Variants in NPAS3 observed in about 807,000 individuals in gnomAD.
NPAS3 encodes neuronal PAS domain-containing protein 3.
Under a neutral mutation model 73.1 loss-of-function variants are expected in NPAS3, and 14 were observed. The observed-to-expected ratio is 0.19, with a 90% confidence interval of 0.13 to 0.30. NPAS3 has a LOEUF of 0.30. NPAS3 is among the 10% of genes least tolerant of loss of function. The probability of loss-of-function intolerance (pLI) is 1.00; values close to 1 mark genes in which losing one functional copy is unlikely to be tolerated. For missense variants in NPAS3, 1,096 were observed against 1,250.0 expected (o/e 0.88, Z 1.86); for synonymous variants, 620 against 541.5 (o/e 1.14, Z -2.01).
intron 1 of NPAS3, among the ~76,000 whole-genome samples, chr14:33,048,331 C>A (rs1453099048): frequency 6.6e-6 from 1 of 152,196 alleles, no homozygotes; most frequent in Non-Finnish European, 1.5e-5. Flanking sequence ...AAAATGGCCT[C>A]CTAGAGGATC....
chr14:32,981,277 C>A (rs192201307), intron 1 of NPAS3, among the ~76,000 whole-genome samples: 1 of 152,258 alleles, frequency 6.6e-6, no homozygotes, highest in Non-Finnish European at 1.5e-5. Context: ...ACATGCCTAG[C>A]ACAATAAAAA....
chr14:33,098,922 C>G (rs954982936), intron 2 of NPAS3, among the ~76,000 whole-genome samples: 1 of 152,182 alleles, frequency 6.6e-6, no homozygotes, highest in African/African-American at 2.4e-5. Context: ...ACTTTGAGTG[C>G]TTCACAAAGG....
At chr14:33,708,196 C>T (rs2060712599) in intron 6 of NPAS3, among the ~76,000 whole-genome samples, 1 of 152,138 alleles carries the variant, frequency 6.6e-6, no homozygotes, top group Non-Finnish European at 1.5e-5. Flanking sequence ...ACAGTGAGCC[C>T]AGAACAGACC....
chr14:32,945,194 G>A (rs2036201115), intron 1 of NPAS3, among the ~76,000 whole-genome samples: 1 of 152,100 alleles, frequency 6.6e-6, no homozygotes. Flanking sequence ...TGTTCTGTGA[G>A]GATAGTTATT....
At chr14:33,291,083 G>A (rs1202029863) in intron 3 of NPAS3, among the ~76,000 whole-genome samples, 1 of 151,938 alleles carries the variant, frequency 6.6e-6, no homozygotes, top group Non-Finnish European at 1.5e-5. Flanking sequence ...TAAGGAGAAT[G>A]GAAACTACCG....
chr14:33,420,562 G>C (rs1375461991), intron 4 of NPAS3, among the ~76,000 whole-genome samples: 3 of 151,784 alleles, frequency 2.0e-5, no homozygotes, highest in Non-Finnish European at 4.4e-5. Flanking sequence ...ATATGGGCCT[G>C]TTAGTTAGCC....
In NPAS3 at chr14:33,567,531, G is replaced by A. The variant is rs1388664827; in HGVS notation, c.558+7321G>A. 2.0e-5 allele frequency among the ~76,000 whole-genome samples: 3 copies of A among 152,284 alleles called. No homozygotes were observed. The East Asian group carries it at 5.8e-4, about 29-fold the overall frequency. ...AGAGCAGCACAGTCAGATGAATGAG[G>A]ATATGCTATCTGCAAGGAATCATAT... is the stretch of plus-strand genomic sequence containing the variant. On this transcript the variant is annotated intron_variant, in intron 5 of 11. Transcript: ENST00000356141.
chr14:32,952,002 A>C (rs2036502510), intron 1 of NPAS3, among the ~76,000 whole-genome samples: 1 of 152,018 alleles, frequency 6.6e-6, no homozygotes, highest in Non-Finnish European at 1.5e-5. Flanking sequence ...GGTTTCTGGA[A>C]AATTCCCAAT....
At chr14:32,992,778 A>G (rs2139487581) in intron 1 of NPAS3, among the ~76,000 whole-genome samples, 1 of 152,334 alleles carries the variant, frequency 6.6e-6, no homozygotes, top group South Asian at 2.1e-4. Flanking sequence ...AGATGACTCC[A>G]AAGTTTTACG....
chr14:33,115,212 A>G (rs2138995791), intron 2 of NPAS3, among the ~76,000 whole-genome samples: 1 of 152,298 alleles, frequency 6.6e-6, no homozygotes, highest in Non-Finnish European at 1.5e-5. Flanking sequence ...AAGGCTGTTC[A>G]CTTTGATAGT....
rs768344697 is a variant in NPAS3, at chr14:33,800,248, G to A, written c.1941G>A (p.Lys647=). The A allele has an allele frequency of 2.5e-6, 4 of 1,613,268 alleles. No individual in the cohort carries two copies. In the South Asian group the frequency reaches 3.3e-5, roughly 13 times the overall value. Residue 647 remains lysine (K), a synonymous_variant, in exon 12 of 12, where the codon AAG becomes AAA. Transcript: ENST00000356141. The surrounding 1 kb of genome is among the most constrained non-coding windows in gnomAD (Gnocchi z 6.5). ...CCCCCAACAGTGCCTCGGTGCTCAA[G>A]ATCAAGACGGAGATCTCAGAACCCA...
chr14:32,963,541 C>T (rs769719291), intron 1 of NPAS3, among the ~76,000 whole-genome samples: 11 of 152,168 alleles, frequency 7.2e-5, no homozygotes, highest in South Asian at 6.2e-4. Flanking sequence ...GAGGGTAGAT[C>T]GCAATCCCTG....
At chr14:33,056,801 C>T (rs1157635584) in intron 2 of NPAS3, among the ~76,000 whole-genome samples, 3 of 152,160 alleles carry the variant, frequency 2.0e-5, no homozygotes, top group Non-Finnish European at 4.4e-5. Context: ...ATTGAAGCAA[C>T]ATTAACCTTT....
chr14:33,065,974 A>C (rs1385890858), intron 2 of NPAS3, among the ~76,000 whole-genome samples: 1 of 152,032 alleles, frequency 6.6e-6, no homozygotes, highest in Non-Finnish European at 1.5e-5. Flanking sequence ...AAATTGAATG[A>C]GCATGGCTTG....
intron 4 of NPAS3, among the ~76,000 whole-genome samples, chr14:33,387,382 A>G (rs1451149513): frequency 6.6e-6 from 1 of 152,160 alleles, no homozygotes; most frequent in Non-Finnish European, 1.5e-5. Flanking sequence ...AAGACTCAGA[A>G]GCCCGGAGCT....
chr14:33,669,961 G>C (rs1177807920), intron 5 of NPAS3, among the ~76,000 whole-genome samples: 2 of 152,026 alleles, frequency 1.3e-5, no homozygotes, highest in Non-Finnish European at 2.9e-5. Context: ...TGTCACCCAG[G>C]CTGGAGTGCA....
chr14:33,776,051 G>A (rs2062804636), intron 8 of NPAS3, among the ~76,000 whole-genome samples: 1 of 152,152 alleles, frequency 6.6e-6, no homozygotes, highest in South Asian at 2.1e-4. Context: ...TACATCCTGT[G>A]GAGTCTCCTG....
chr14:33,225,255 C>A (rs910578833), intron 3 of NPAS3, among the ~76,000 whole-genome samples: 13 of 152,202 alleles, frequency 8.5e-5, no homozygotes, highest in African/African-American at 3.1e-4. Flanking sequence ...GAGAGTCATA[C>A]ATAAGTTTTC....
chr14:33,771,349 C>T (rs974796796), intron 7 of NPAS3, among the ~76,000 whole-genome samples: 2 of 152,190 alleles, frequency 1.3e-5, no homozygotes, highest in African/African-American at 4.8e-5. Context: ...GACAAACACA[C>T]CCTCTGATTG....
Sources: allele counts gnomAD v4.1 joint callset (sites outside exome capture counted in the v4.1 genomes callset), GRCh38; gene constraint gnomAD v4.1.1; non-coding constraint Gnocchi (gnomAD v3.1); transcripts MANE v1.5; gene names NCBI Gene and HGNC (gene_info 2026-07-23, HGNC 2026-07-21).